CCDC187: variants seen among roughly 807,000 people sequenced by gnomAD.
The protein encoded by CCDC187 is coiled-coil domain-containing protein 187.
Under a neutral mutation model 38.0 loss-of-function variants are expected in CCDC187, and 32 were observed. The observed-to-expected ratio is 0.84, with a 90% CI of 0.64 to 1.13. The LOEUF (loss-of-function observed/expected upper bound fraction) is 1.13. CCDC187 is among the 50% of genes most tolerant of loss of function. The pLI is 0.00. For missense variants in CCDC187, 707 were observed against 786.8 expected (o/e 0.90, Z 1.21); for synonymous variants, 333 against 347.9 (o/e 0.96, Z 0.48).
At chr9:136,295,847 C>G (rs1266157777) in intron 4 of CCDC187, 1 of 152,232 alleles carries the variant, frequency 6.6e-6, no homozygotes, top group African/African-American at 2.4e-5. Context: ...AACCAAAGAC[C>G]TGGGGGAGGG....
In CCDC187 at chr9:136,291,419, G is replaced by A. The variant is rs993505913; in HGVS notation, c.1194C>T (p.Leu398=). ...CCTGCAGCCTCCGCTTTGATGGCCC[G>A]AGCTCTTGCCCTCCCTTGCGGGCCT... ...LAQARKGGQE[L]GPSKRRLQDV... The change falls in exon 6 of 26, where the codon CTC becomes CTT. Residue 398 remains leucine, a synonymous_variant. Transcript: ENST00000638797. 1.2e-4 allele frequency: 46 copies of A among 398,806 alleles called. No individual in the cohort carries two copies. Among genetic ancestry groups the A allele is most frequent in the Non-Finnish European group, 1.7e-4 (38 of 226,296 alleles). The allele number at this position is 398,806 out of a possible 1,614,324, so 24.7% of individuals were successfully genotyped here. A position where few individuals can be genotyped will look rare whatever the true frequency, so the allele number is the denominator to read the frequency against.
intron 4 of CCDC187, among the ~76,000 whole-genome samples, chr9:136,293,443 T>TCACATGCTCA (rs1554765658): frequency 0.24 from 7,760 of 31,730 alleles, 480 homozygotes; most frequent in Middle Eastern, 0.34. Context: ...GCTCACACAC[T>TCACATGCTCA]CACACATGCT....
In CCDC187 at chr9:136,266,153, C is replaced by T. The variant is rs189143845; in HGVS notation, c.3648-110G>A. On this transcript the variant is annotated intron_variant, in intron 16 of 25. Coordinates refer to ENST00000638797, the MANE Select transcript of CCDC187 (RefSeq NM_001378188.1). ...CGGCCACATCAACCTGGAATGCCCTCCCAAGGTGCAGGCACCAGGGAGGAC... is the reference window on the plus strand; with the variant it reads ...CGGCCACATCAACCTGGAATGCCCTTCCAAGGTGCAGGCACCAGGGAGGAC... The T allele has an allele frequency of 5.4e-5, 30 of 552,592 alleles. No homozygotes were observed. In the Admixed American group the frequency reaches 7.0e-4, roughly 13 times the overall value. 34.2% of individuals were successfully genotyped at this position (552,592 alleles called of 1,614,324 possible).
intron 14 of CCDC187, 77 bp from the exon 15 acceptor site, chr9:136,268,202 G>T: frequency 1.1e-6 from 1 of 921,614 alleles, no homozygotes; most frequent in Non-Finnish European, 1.3e-6. Flanking sequence ...CTACCGGAGG[G>T]CCTCATAAAA....
chr9:136,267,686 G>A (rs1015931855), intron 15 of CCDC187, 175 bp from the exon 16 acceptor site: 63 of 918,846 alleles, frequency 6.9e-5, no homozygotes, highest in Non-Finnish European at 7.8e-5. Flanking sequence ...CCCCTATGCC[G>A]CCCTCGCTTC....
intron 4 of CCDC187, chr9:136,296,304 C>T (rs2131342784): frequency 6.6e-6 from 1 of 152,392 alleles, no homozygotes; most frequent in African/African-American, 2.4e-5. Flanking sequence ...CTCAGGCGTT[C>T]ACTCCACCTG....
chr9:136,259,404 C>T lies in CCDC187; in HGVS notation c.4255G>A (p.Val1419Met). 3 of 985,516 alleles carry T rather than the reference C, an allele frequency of 3.0e-6. 1 individual carries two copies. Among genetic ancestry groups the T allele is most frequent in the South Asian group, 9.4e-5 (2 of 21,292 alleles). The allele number at this position is 985,516 out of a possible 1,614,324, so 61.0% of individuals were successfully genotyped here. The change falls in exon 21 of 26, where the codon GTG (valine) becomes ATG (methionine). Residue 1419 changes from valine to methionine, a missense_variant. Physicochemically the swap from Val to Met is conservative, Grantham distance 21 (BLOSUM62 1). Coordinates refer to ENST00000638797, the MANE Select transcript of CCDC187 (RefSeq NM_001378188.1). ...PRAPLLGLQH[V>M]SPPDGQRLGP... The stretch of plus-strand genomic sequence containing the variant: ...AGCCGCTGTCCGTCCGGGGGGCTCA[C>T]GTGCTGCAGGCCCAGCAGAGGGGCC...
At position 136,253,506 on chromosome 9, in the gene CCDC187, C is replaced by T. The variant is rs1179767192; in HGVS notation, c.*88G>A. ...ACAGGTTCAGGCCACTGGCTGCCTC[C>T]GGCCTCATCCCCTGCTGCAGAACTG... On this transcript the variant is annotated 3_prime_UTR_variant, in exon 26 of 26. Transcript: ENST00000638797. 4.5e-5 allele frequency: 34 copies of T among 763,766 alleles called. No homozygotes were observed. The highest frequency in any genetic ancestry group is 5.1e-5 in the Non-Finnish European group (32 of 627,500). 47.3% of individuals were successfully genotyped at this position (763,766 alleles called of 1,614,324 possible).
chr9:136,293,287 A>T (rs1192167041), intron 4 of CCDC187, among the ~76,000 whole-genome samples: 1 of 148,780 alleles, frequency 6.7e-6, no homozygotes, highest in African/African-American at 2.5e-5. Context: ...TAACATGCTC[A>T]CACACTCACA....
At chr9:136,267,633 A>G (rs892438664) in intron 15 of CCDC187, 122 bp from the exon 16 acceptor site, 2 of 984,216 alleles carry the variant, frequency 2.0e-6, no homozygotes, top group Non-Finnish European at 2.4e-6. Flanking sequence ...AGCACAGGCC[A>G]CCGCCTCCGA....
At chr9:136,255,835 A>C (rs1379460932) in intron 24 of CCDC187, 102 bp from the exon 25 acceptor site, 88 of 524,508 alleles carry the variant, frequency 1.7e-4, no homozygotes, top group South Asian at 2.4e-4. Context: ...TCCACAGCTC[A>C]CACTCGAAAA....
rs1466594442 is a variant in CCDC187, at chr9:136,257,645, C to T, written c.4367-804G>A. The stretch of plus-strand genomic sequence containing the variant: ...GAGCACCAGGCCCCCCAGCATTGCA[C>T]CTCCATCTCCCTAGACTTTCGTTCT... On this transcript the variant is annotated intron_variant, in intron 22 of 25. Coordinates refer to ENST00000638797, the MANE Select transcript of CCDC187 (RefSeq NM_001378188.1). This position sits in a 1 kb window ranked among gnomAD's most constrained non-coding sequence, Gnocchi z 4.5. Among the ~76,000 whole-genome samples, 1 of 152,162 alleles carries T rather than the reference C, an allele frequency of 6.6e-6. No homozygotes were observed. Among genetic ancestry groups the T allele is most frequent in the East Asian group, 1.9e-4 (1 of 5,184 alleles).
intron 17 of CCDC187, 23 bp downstream of exon 17, chr9:136,265,933 C>G (rs569197079): frequency 1.0e-6 from 1 of 982,674 alleles, no homozygotes; most frequent in East Asian, 1.1e-4. Flanking sequence ...CACCCTGACC[C>G]ACCAGGCCTG....
intron 19 of CCDC187, among the ~76,000 whole-genome samples, chr9:136,261,787 G>A (rs1307401558): frequency 6.6e-6 from 1 of 152,218 alleles, no homozygotes; most frequent in Non-Finnish European, 1.5e-5. Flanking sequence ...CCCGCTTTCT[G>A]CTTCGAGGGG....
rs1051108237 is a variant in CCDC187 at position 136,303,265 on chromosome 9, C to A, written c.172G>T (p.Val58Leu). The change falls in exon 2 of 26, where the codon GTG becomes TTG. Residue 58 changes from valine (V) to leucine (L), a missense_variant. Physicochemically the swap from Val to Leu is conservative, Grantham distance 32. Coordinates refer to ENST00000638797, the MANE Select transcript of CCDC187 (RefSeq NM_001378188.1). ...GGCCCGGGCCACCTCAGGGCTGCCA[C>A]GTCATCCTCAGCTGCAGGTGCGCAG... ...RLCAPAAEDD[V>L]AALRWPGPSQ... 3 of 397,746 alleles carry A rather than the reference C, an allele frequency of 7.5e-6. No homozygotes were observed. The highest frequency in any genetic ancestry group is 6.2e-5 in the African/African-American group (3 of 48,642). 24.6% of individuals were successfully genotyped at this position (397,746 alleles called of 1,614,324 possible).
intron 14 of CCDC187, among the ~76,000 whole-genome samples, chr9:136,270,340 C>T (rs140348934): frequency 1.1e-4 from 17 of 152,300 alleles, no homozygotes; most frequent in African/African-American, 3.6e-4. Flanking sequence ...GGTAAGGAGT[C>T]TTAATCACTG....
At position 136,290,564 on chromosome 9, in the gene CCDC187, G is replaced by C. The variant is rs1831297996; in HGVS notation, c.2049C>G (p.Val683=). ...QEVYRQQREA[V]LGRAVPVVSR... ...AGACCACGGGGACCGCCCTGCCGAG[G>C]ACGGCCTCCCTCTGCTGCCGGTAGA... Residue 683 remains valine (V), a synonymous_variant, in exon 6 of 26, where the codon GTC becomes GTG. Transcript: ENST00000638797. 2.5e-6 allele frequency: 1 copy of C among 398,952 alleles called. No individual in the cohort carries two copies. The highest frequency in any genetic ancestry group is 2.1e-5 in the African/African-American group (1 of 48,638). The allele number at this position is 398,952 out of a possible 1,614,324, so 24.7% of individuals were successfully genotyped here.
At chr9:136,278,257 G>A (rs1588660269) in intron 10 of CCDC187, among the ~76,000 whole-genome samples, 1 of 152,204 alleles carries the variant, frequency 6.6e-6, no homozygotes, top group East Asian at 1.9e-4. Context: ...CTGGCTCCTG[G>A]GAGCCCCACA....
At chr9:136,266,104 G>A in intron 16 of CCDC187, 61 bp from the exon 17 acceptor site, 1 of 931,616 alleles carries the variant, frequency 1.1e-6, no homozygotes, top group Non-Finnish European at 1.3e-6. Flanking sequence ...GATATAGAAA[G>A]TCACAGACAC....
Sources: allele counts gnomAD v4.1 joint callset (sites outside exome capture counted in the v4.1 genomes callset), GRCh38; gene constraint gnomAD v4.1.1; non-coding constraint Gnocchi (gnomAD v3.1); transcripts MANE v1.5; gene names NCBI Gene and HGNC (gene_info 2026-07-23, HGNC 2026-07-21).